DNAH8: variants seen among roughly 807,000 people sequenced by gnomAD.
DNAH8 encodes axonemal beta dynein heavy chain 8.
DNAH8 carries 382 observed loss-of-function variants against 562.1 expected under a neutral mutation model. That is an observed-to-expected ratio of 0.68 (90% CI 0.63 to 0.74). The LOEUF (loss-of-function observed/expected upper bound fraction) is 0.74, where lower values mean the gene tolerates loss of function less well. Among genes scored for constraint, DNAH8 ranks in the 30% least tolerant of loss-of-function variants. DNAH8 has a pLI of 0.00. For synonymous variants in DNAH8, 1,881 were observed against 1,919.4 expected (o/e 0.98, Z 0.52); for missense variants, 5,203 against 5,620.4 (o/e 0.93, Z 2.37).
At chr6:38,885,821 TC>T (rs1778876343) in intron 56 of DNAH8, among the ~76,000 whole-genome samples, 1 of 152,170 alleles carries the variant, frequency 6.6e-6, no homozygotes, top group East Asian at 1.9e-4. Context: ...CTTGAGCCCC[TC>T]CTATATTCTA....
rs200951686 is a variant in DNAH8, at chr6:38,888,533, ATCAG to A, written c.8473+1537_8473+1540del. On this transcript the variant is annotated intron_variant, in intron 57 of 92. Coordinates refer to ENST00000327475, the MANE Select transcript of DNAH8 (RefSeq NM_001206927.2). ...CTGAATATTTAGAGAAATCCTATAA[ATCAG>A]TCAGTCAAGAAAAGGAAACAACCTG... is the stretch of plus-strand genomic sequence containing the variant. 3.7e-4 allele frequency among the ~76,000 whole-genome samples: 56 copies of A among 152,364 alleles called. No individual in the cohort carries two copies. In the East Asian group the frequency reaches 9.6e-3, roughly 26 times the overall value.
chr6:38,909,644 T>TATA lies in DNAH8; in HGVS notation c.9644_9646dup (p.Asn3215dup), dbSNP rs1294515223. The TATA allele has an allele frequency of 6.2e-7, 1 of 1,613,806 alleles. No homozygotes were observed. Among genetic ancestry groups the TATA allele is most frequent in the South Asian group, 1.1e-5 (1 of 91,074 alleles). On this transcript the variant is annotated inframe_insertion, in exon 65 of 93. Coordinates refer to ENST00000327475, the MANE Select transcript of DNAH8 (RefSeq NM_001206927.2). Reference sequence around the variant, plus strand: ...TGTGGCCTCCTACTTCCTTTCAGACTATAATATTGTCTGCTCTAGTGAAAT... The same window carrying TATA: ...TGTGGCCTCCTACTTCCTTTCAGACTATAATAATATTGTCTGCTCTAGTGAAAT...
At chr6:39,006,869 G>A (rs1179654078) in intron 88 of DNAH8, among the ~76,000 whole-genome samples, 2 of 152,088 alleles carry the variant, frequency 1.3e-5, no homozygotes, top group Non-Finnish European at 2.9e-5. Context: ...CTTATACTGA[G>A]GTTGTAGCTG....
At chr6:38,737,028 AT>A in intron 5 of DNAH8, 38 bp from the exon 6 acceptor site, 1 of 1,422,726 alleles carries the variant, frequency 7.0e-7, no homozygotes. Context: ...CTTTAGTGGG[AT>A]TAGCATGTAA....
intron 91 of DNAH8, among the ~76,000 whole-genome samples, chr6:39,018,893 A>C (rs1393010728): frequency 6.6e-6 from 1 of 152,214 alleles, no homozygotes; most frequent in African/African-American, 2.4e-5. Flanking sequence ...TCAGTGGAAT[A>C]GGTGGGGAGG....
intron 76 of DNAH8, among the ~76,000 whole-genome samples, chr6:38,932,218 C>CACACACACACA: frequency 6.1e-5 from 1 of 16,274 alleles, no homozygotes; most frequent in South Asian, 2.3e-3. Flanking sequence ...ACACACACAC[C>CACACACACACA]CGTCTCTTTC....
rs1561797505 is a variant in DNAH8 at position 38,874,078 on chromosome 6, TTCTTTCTTTCTTTCTTTC to T, written c.7620+710_7620+727del. Among the ~76,000 whole-genome samples the T allele has an allele frequency of 1.3e-3, 85 of 63,690 alleles. 21 individuals carry two copies. Among genetic ancestry groups the T allele is most frequent in the African/African-American group, 3.9e-3 (82 of 21,166 alleles). 41.8% of individuals were successfully genotyped at this position (63,690 alleles called of 152,430 possible). On this transcript the variant is annotated intron_variant, in intron 52 of 92. Transcript: ENST00000327475. ...TCTTTCTTTCTTTCTTTTTCTTTCT[TTCTTTCTTTCTTTCTTTC>T]TCTTTCTCCTTCCTTCCTTCCTCCT...
At chr6:38,956,901 C>T (rs1261867562) in intron 82 of DNAH8, among the ~76,000 whole-genome samples, 1 of 152,122 alleles carries the variant, frequency 6.6e-6, no homozygotes, top group East Asian at 1.9e-4. Context: ...AACTAGAAAA[C>T]AAGTAACAAA....
At chr6:38,819,162 G>A (rs1365687456) in intron 26 of DNAH8, among the ~76,000 whole-genome samples, 1 of 152,170 alleles carries the variant, frequency 6.6e-6, no homozygotes, top group African/African-American at 2.4e-5. Context: ...AGGAGCCTTC[G>A]TCTCACATGA....
chr6:38,806,565 G>T (rs1430278763), intron 23 of DNAH8, among the ~76,000 whole-genome samples: 1 of 152,034 alleles, frequency 6.6e-6, no homozygotes, highest in African/African-American at 2.4e-5. Context: ...CTCCAGTTGG[G>T]GGATCACTGG....
intron 13 of DNAH8, 99 bp downstream of exon 13, chr6:38,776,050 A>G (rs1467705623): frequency 6.5e-6 from 5 of 767,402 alleles, no homozygotes; most frequent in African/African-American, 3.5e-5. Context: ...AAGTGTTTCT[A>G]TATTTATGAT....
At chr6:38,730,546 G>A (rs532724413) in intron 4 of DNAH8, among the ~76,000 whole-genome samples, 59 of 152,300 alleles carry the variant, frequency 3.9e-4, no homozygotes, top group Admixed American at 1.4e-3. Context: ...CATCCCTCCC[G>A]TTGCTTCTTT....
intron 49 of DNAH8, 86 bp downstream of exon 49, chr6:38,870,648 T>C (rs979171512): frequency 1.5e-6 from 2 of 1,293,976 alleles, no homozygotes. Context: ...TAGTTAGTCT[T>C]ACTTGATGTA....
intron 35 of DNAH8, among the ~76,000 whole-genome samples, chr6:38,844,808 CAG>C (rs1198807270): frequency 4.6e-5 from 7 of 152,162 alleles, no homozygotes; most frequent in African/African-American, 1.7e-4. Context: ...CTCTTCCTCC[CAG>C]AGAGTCTCTG....
Position 38,882,989 on chromosome 6 carries a change from G to GACAAT in DNAH8, c.7938_7939insACAAT (p.Val2647ThrfsTer14). On this transcript the variant is annotated frameshift_variant, in exon 54 of 93. Transcript: ENST00000327475. LOFTEE classifies it high-confidence loss of function. Reference sequence around the variant, plus strand: ...GTATTCCGGAATATTCATCAATTTTGGTTCCAAATGTTGACAATATTAGAA... The same window carrying GACAAT: ...GTATTCCGGAATATTCATCAATTTTGACAATGTTCCAAATGTTGACAATATTAGAA... 3 of 1,603,582 alleles carry GACAAT rather than the reference G, an allele frequency of 1.9e-6. No homozygotes were observed. The highest frequency in any genetic ancestry group is 2.3e-5 in the South Asian group (2 of 88,092).
intron 8 of DNAH8, among the ~76,000 whole-genome samples, chr6:38,750,124 G>A (rs946934409): frequency 2.0e-5 from 3 of 152,324 alleles, no homozygotes; most frequent in Admixed American, 6.5e-5. Context: ...AAGCCACCAC[G>A]CCCTGCCATA....
Position 38,911,517 on chromosome 6 carries a change from A to C in DNAH8, c.9790A>C (p.Asn3264His). Residue 3264 changes from asparagine (N) to histidine (H), a missense_variant, in exon 66 of 93, where the codon AAT becomes CAT. Physicochemically the swap from Asn to His is moderately conservative, Grantham distance 68. Around this residue, in one of 6 missense-constraint regions of DNAH8, gnomAD observed 977 missense variants for 1,061.8 expected, o/e 0.92. Coordinates refer to ENST00000327475, the MANE Select transcript of DNAH8 (RefSeq NM_001206927.2). Reference protein sequence around the residue: ...VTPKSYLSFINGYKNIYAEKV... With the variant: ...VTPKSYLSFIHGYKNIYAEKV... ...TCCCAAATCTTACCTCTCATTTATA[A>C]ATGGTTATAAAAACATTTATGCTGA... 4 of 1,613,984 alleles carry C rather than the reference A, an allele frequency of 2.5e-6. No homozygotes were observed. The South Asian group carries it at 4.4e-5, about 18-fold the overall frequency.
At chr6:38,842,926 A>G in intron 35 of DNAH8, 23 bp downstream of exon 35, 1 of 1,605,352 alleles carries the variant, frequency 6.2e-7, no homozygotes, top group African/African-American at 1.3e-5. Flanking sequence ...ATACGTTCTT[A>G]TCAATGATCC....
intron 88 of DNAH8, among the ~76,000 whole-genome samples, chr6:38,995,621 C>T (rs1052805853): frequency 2.6e-5 from 4 of 152,252 alleles, no homozygotes; most frequent in Middle Eastern, 6.8e-3. Flanking sequence ...TCTAGGTTTT[C>T]GTATTTATTT....
Sources: allele counts gnomAD v4.1 joint callset (sites outside exome capture counted in the v4.1 genomes callset), GRCh38; gene constraint gnomAD v4.1.1; regional missense constraint gnomAD v4.1.1; transcripts MANE v1.5; gene names NCBI Gene and HGNC (gene_info 2026-07-23, HGNC 2026-07-21).